The following METTL8 variants were observed in gnomAD, a reference collection of about 807,000 sequenced individuals.
METTL8 encodes the protein tRNA N(3)-cytidine methyltransferase METTL8, mitochondrial.
A neutral mutation model predicts 48.7 loss-of-function variants in METTL8; 32 were observed. That is an observed-to-expected ratio of 0.66 (90% CI 0.50 to 0.88). The LOEUF is 0.88. METTL8 is among the 40% of genes least tolerant of loss of function. METTL8 has a pLI of 0.00. For missense variants in METTL8, 464 were observed against 474.4 expected (o/e 0.98, Z 0.20); for synonymous variants, 136 against 157.1 (o/e 0.87, Z 1.01).
At chr2:171,339,043 T>C in intron 4 of METTL8, 141 bp downstream of exon 4, 1 of 583,654 alleles carries the variant, frequency 1.7e-6, no homozygotes, top group Admixed American at 3.3e-5. Context: ...TAGATATTAT[T>C]TATGCACAGA....
At chr2:171,424,276 G>GGC (rs1416526229) in intron 1 of METTL8, among the ~76,000 whole-genome samples, 1 of 152,196 alleles carries the variant, frequency 6.6e-6, no homozygotes, top group East Asian at 1.9e-4. Flanking sequence ...GGGAAATGTG[G>GGC]GATTGGAGCC....
At chr2:171,431,004 C>A (rs1402317009) in intron 1 of METTL8, among the ~76,000 whole-genome samples, 1 of 152,180 alleles carries the variant, frequency 6.6e-6, no homozygotes, top group East Asian at 1.9e-4. Flanking sequence ...AAGCCCCAGA[C>A]CCAGCCATGC....
chr2:171,418,732 T>C (rs534444288), intron 1 of METTL8, among the ~76,000 whole-genome samples: 20 of 152,128 alleles, frequency 1.3e-4, no homozygotes, highest in African/African-American at 4.8e-4. Flanking sequence ...AGCTGGAGGA[T>C]CACCTAAGCT....
chr2:171,392,534 A>G (rs563346182), intron 1 of METTL8, among the ~76,000 whole-genome samples: 1 of 152,282 alleles, frequency 6.6e-6, no homozygotes, highest in African/African-American at 2.4e-5. Flanking sequence ...TTTTTTTTAA[A>G]GTAATTTTAT....
chr2:171,340,858 A>G (rs922054307), intron 3 of METTL8, among the ~76,000 whole-genome samples: 5 of 152,120 alleles, frequency 3.3e-5, no homozygotes, highest in East Asian at 1.9e-4. Flanking sequence ...TCTTCCCCCA[A>G]CCTCCAAGGC....
rs760704658 is a variant in METTL8 at position 171,326,099 on chromosome 2, T to A, written c.910A>T (p.Met304Leu). ...CTTCCATAGTCTCGAAATAACAGCA[T>A]TCCCCCAGGTTTCAGTAACTTGGAC... ...RLSKLLKPGG[M>L]LLFRDYGRYD... The change falls in exon 8 of 10, where the codon ATG becomes TTG. Residue 304 changes from methionine to leucine, a missense_variant. Met to Leu is a conservative substitution (Grantham distance 15). Coordinates refer to ENST00000375258, the MANE Select transcript of METTL8 (RefSeq NM_001321154.2). The A allele has an allele frequency of 2.1e-4, 331 of 1,550,380 alleles. No homozygotes were observed. Among genetic ancestry groups the A allele is most frequent in the Non-Finnish European group, 2.7e-4 (309 of 1,146,130 alleles).
chr2:171,331,950 AC>A, intron 5 of METTL8, 83 bp from the exon 6 acceptor site: 1 of 940,126 alleles, frequency 1.1e-6, no homozygotes, highest in Non-Finnish European at 1.6e-6. Flanking sequence ...TAGTAACGTG[AC>A]CATAGCTCAC....
chr2:171,426,844 C>A (rs1692471607), intron 1 of METTL8, among the ~76,000 whole-genome samples: 1 of 152,208 alleles, frequency 6.6e-6, no homozygotes, highest in African/African-American at 2.4e-5. Context: ...CTTGATGCTG[C>A]AGCCAAGTAT....
chr2:171,395,586 T>C (rs1384480699), intron 1 of METTL8, among the ~76,000 whole-genome samples: 1 of 152,154 alleles, frequency 6.6e-6, no homozygotes, highest in Admixed American at 6.5e-5. Flanking sequence ...AAGACTATTA[T>C]AGAGATAAAG....
chr2:171,318,643 CTCT>C lies in METTL8; in HGVS notation c.*5526_*5528del, dbSNP rs1279569603. 1 of 152,152 alleles carries C rather than the reference CTCT, an allele frequency of 6.6e-6. No individual in the cohort carries two copies. The highest frequency in any genetic ancestry group is 2.4e-5 in the African/African-American group (1 of 41,432). The allele number at this position is 152,152 out of a possible 1,614,324, so 9.4% of individuals were successfully genotyped here. ...GTCATTCCTCTCAGTTCCTTTCCTT[CTCT>C]TCTTTTCCAATTTGTAATTGTGGAC... On this transcript the variant is annotated 3_prime_UTR_variant, in exon 10 of 10. Coordinates refer to ENST00000375258, the MANE Select transcript of METTL8 (RefSeq NM_001321154.2).
chr2:171,352,095 T>G (rs577379600), intron 3 of METTL8, among the ~76,000 whole-genome samples: 1 of 152,336 alleles, frequency 6.6e-6, no homozygotes, highest in African/African-American at 2.4e-5. Flanking sequence ...GACTGTGAGT[T>G]TGTCATAAAT....
At chr2:171,423,421 G>C (rs1276868380) in intron 1 of METTL8, among the ~76,000 whole-genome samples, 2 of 152,168 alleles carry the variant, frequency 1.3e-5, no homozygotes, top group African/African-American at 4.8e-5. Context: ...GAGAAAGTTT[G>C]AAACTTCCTA....
Position 171,339,574 on chromosome 2 carries a change from G to C in METTL8, c.236-20C>G. 7.5e-7 allele frequency: 1 copy of C among 1,341,494 alleles called. No homozygotes were observed. Among genetic ancestry groups the C allele is most frequent in the Non-Finnish European group, 1.0e-6 (1 of 977,194 alleles). 83.1% of individuals were successfully genotyped at this position (1,341,494 alleles called of 1,614,324 possible). On this transcript the variant is annotated intron_variant, in intron 3 of 9. Coordinates refer to ENST00000375258, the MANE Select transcript of METTL8 (RefSeq NM_001321154.2). ...ACTTAACTAAAATAAAGAGGAAAAA[G>C]AAAGATTTATTTTACTACGAATTAT...
chr2:171,383,248 T>C (rs2105536964), intron 2 of METTL8, among the ~76,000 whole-genome samples: 1 of 151,490 alleles, frequency 6.6e-6, no homozygotes, highest in African/African-American at 2.5e-5. Context: ...ATTGAGATTC[T>C]GTAAACTGTC....
chr2:171,322,771 CAT>C lies in METTL8; in HGVS notation c.*1399_*1400del. On this transcript the variant is annotated 3_prime_UTR_variant, in exon 10 of 10. Coordinates refer to ENST00000375258, the MANE Select transcript of METTL8 (RefSeq NM_001321154.2). ...AAAAAAAAAAAAAAAAAAAGTAAAA[CAT>C]AAAGAATGGCTACTCCATAGGCAGA... The C allele has an allele frequency of 6.8e-6, 1 of 146,770 alleles. No individual in the cohort carries two copies. The highest frequency in any genetic ancestry group is 2.0e-4 in the East Asian group (1 of 4,998). 9.1% of individuals were successfully genotyped at this position (146,770 alleles called of 1,614,324 possible).
chr2:171,392,847 A>G (rs1413765644), intron 1 of METTL8, among the ~76,000 whole-genome samples: 1 of 152,026 alleles, frequency 6.6e-6, no homozygotes, highest in Non-Finnish European at 1.5e-5. Context: ...CTGTAATCCC[A>G]GCACTTTGGC....
intron 1 of METTL8, among the ~76,000 whole-genome samples, chr2:171,426,039 C>G (rs1692383734): frequency 6.6e-6 from 1 of 152,112 alleles, no homozygotes; most frequent in Non-Finnish European, 1.5e-5. Context: ...CACCTGTAAT[C>G]CCAGCTACAC....
intron 1 of METTL8, among the ~76,000 whole-genome samples, chr2:171,422,233 G>C (rs1222801838): frequency 6.6e-6 from 1 of 152,144 alleles, no homozygotes; most frequent in Non-Finnish European, 1.5e-5. Flanking sequence ...GATCTGTGAA[G>C]AAATGAAGAG....
chr2:171,380,495 A>G (rs1482984043), intron 2 of METTL8, among the ~76,000 whole-genome samples: 1 of 152,212 alleles, frequency 6.6e-6, no homozygotes, highest in African/African-American at 2.4e-5. Context: ...TATATTTAGA[A>G]AACCCCATGG....
Sources: gnomAD v4.1 joint callset for allele counts (sites outside exome capture counted in the v4.1 genomes callset) on GRCh38, gnomAD v4.1.1 for gene constraint, MANE v1.5 for transcripts, NCBI Gene and HGNC (gene_info 2026-07-23, HGNC 2026-07-21) for gene names.